Variants in CSMD1 observed in about 807,000 individuals in gnomAD.
CSMD1 encodes the protein CUB and sushi domain-containing protein 1.
Under a neutral mutation model 417.5 loss-of-function variants are expected in CSMD1, and 213 were observed. That is an observed-to-expected ratio of 0.51 (90% CI 0.46 to 0.57). The LOEUF is 0.57. CSMD1 is among the 20% of genes least tolerant of loss of function. The pLI is 0.00. For synonymous variants in CSMD1, 2,862 were observed against 1,736.8 expected (o/e 1.65, Z -16.11); for missense variants, 6,923 against 4,529.7 (o/e 1.53, Z -15.17).
At chr8:4,809,487 C>A (rs1054530010) in intron 1 of CSMD1, among the ~76,000 whole-genome samples, 5 of 152,036 alleles carry the variant, frequency 3.3e-5, no homozygotes, top group Admixed American at 2.0e-4. Context: ...CAGGGGATTG[C>A]CAATAGACAT....
intron 8 of CSMD1, among the ~76,000 whole-genome samples, chr8:3,596,917 G>A (rs1001277036): frequency 2.6e-5 from 4 of 152,142 alleles, no homozygotes; most frequent in Non-Finnish European, 4.4e-5. Context: ...CAGCAAACAT[G>A]CCTCAGTTTC....
chr8:4,250,461 T>G (rs917944226), intron 3 of CSMD1, among the ~76,000 whole-genome samples: 1 of 152,152 alleles, frequency 6.6e-6, no homozygotes, highest in Admixed American at 6.5e-5. Context: ...GAGTGATATT[T>G]GGGTCCACGT....
rs1796671349 is a variant in CSMD1 at position 3,739,137 on chromosome 8, T to G, written c.931+14793A>C. On this transcript the variant is annotated intron_variant, in intron 6 of 69. Coordinates refer to ENST00000635120, the MANE Select transcript of CSMD1 (RefSeq NM_033225.6). Reference sequence around the variant, plus strand: ...ACATTTTATTTAGATCAGAGTTAATTGTAAGTTTAAACAATGTTTGCAGTT... The same window carrying G: ...ACATTTTATTTAGATCAGAGTTAATGGTAAGTTTAAACAATGTTTGCAGTT... Among the ~76,000 whole-genome samples the G allele has an allele frequency of 2.3e-5, 3 of 130,110 alleles. No individual in the cohort carries two copies. In the East Asian group the frequency reaches 7.5e-4, roughly 33 times the overall value. 85.4% of individuals were successfully genotyped at this position (130,110 alleles called of 152,430 possible).
At chr8:3,019,521 T>C (rs1287450799) in intron 51 of CSMD1, among the ~76,000 whole-genome samples, 1 of 152,222 alleles carries the variant, frequency 6.6e-6, no homozygotes, top group South Asian at 2.1e-4. Flanking sequence ...TTTGTTTTTT[T>C]AGTTACTTGC....
intron 2 of CSMD1, among the ~76,000 whole-genome samples, chr8:4,485,976 G>C (rs962937847): frequency 4.6e-5 from 7 of 151,684 alleles, no homozygotes; most frequent in African/African-American, 1.7e-4. Context: ...ATACACACTG[G>C]AAGATCTGCT....
chr8:3,513,476 G>T (rs1238709626), intron 10 of CSMD1, among the ~76,000 whole-genome samples: 1 of 151,850 alleles, frequency 6.6e-6, no homozygotes, highest in Non-Finnish European at 1.5e-5. Flanking sequence ...CAGGCCTGTT[G>T]TGGGATCTCA....
At chr8:4,433,713 C>T (rs962399975) in intron 2 of CSMD1, among the ~76,000 whole-genome samples, 1 of 152,134 alleles carries the variant, frequency 6.6e-6, no homozygotes, top group Non-Finnish European at 1.5e-5. Flanking sequence ...TATAAAATTC[C>T]CATCTTTTGA....
At chr8:4,764,902 A>T (rs1442763923) in intron 1 of CSMD1, among the ~76,000 whole-genome samples, 1 of 8,422 alleles carries the variant, frequency 1.2e-4, no homozygotes, top group Non-Finnish European at 3.4e-4. Context: ...AAACAACAAC[A>T]ACAAAAAAAA....
At chr8:4,587,644 T>C (rs928231828) in intron 2 of CSMD1, among the ~76,000 whole-genome samples, 3 of 152,156 alleles carry the variant, frequency 2.0e-5, no homozygotes, top group Non-Finnish European at 4.4e-5. Context: ...CACGATCTCA[T>C]TTACTGAAGA....
intron 3 of CSMD1, among the ~76,000 whole-genome samples, chr8:4,310,519 A>G (rs1025741606): frequency 2.1e-5 from 2 of 93,162 alleles, no homozygotes; most frequent in Non-Finnish European, 5.1e-5. Context: ...TTCCACATTA[A>G]ATAAAATATC....
chr8:4,637,642 CAATTT>C, intron 1 of CSMD1, 84 bp from the exon 2 acceptor site: 1 of 421,490 alleles, frequency 2.4e-6, no homozygotes, highest in Non-Finnish European at 4.0e-6. Context: ...ACACTTTAGC[CAATTT>C]TTTTTTTTTT....
chr8:4,123,158 G>T (rs1035862054), intron 3 of CSMD1, among the ~76,000 whole-genome samples: 3 of 152,252 alleles, frequency 2.0e-5, no homozygotes, highest in African/African-American at 7.2e-5. Flanking sequence ...GGCAGTCCAT[G>T]CTGAGATGTT....
chr8:4,252,717 G>C (rs73498596), intron 3 of CSMD1, among the ~76,000 whole-genome samples: 17,198 of 152,188 alleles, frequency 0.11, 1,454 homozygotes, highest in East Asian at 0.33. Context: ...TGGTTGTATT[G>C]GTTGTACAGG....
At chr8:3,621,818 A>AT (rs1460105492) in intron 7 of CSMD1, among the ~76,000 whole-genome samples, 5 of 151,890 alleles carry the variant, frequency 3.3e-5, no homozygotes, top group African/African-American at 1.2e-4. Context: ...CATATTGCCC[A>AT]GGCTGGTCTC....
rs931780423 is a variant in CSMD1 at position 4,267,583 on chromosome 8, A to C, written c.415+152370T>G. Among the ~76,000 whole-genome samples the C allele has an allele frequency of 2.0e-5, 3 of 152,134 alleles. No individual in the cohort carries two copies. In the East Asian group the frequency reaches 5.8e-4, roughly 29 times the overall value. ...AATGGTCACTGACACAATAAGTGAC[A>C]CATTCTTGGTTGGTAGAAAAAAATG... is the stretch of plus-strand genomic sequence containing the variant. On this transcript the variant is annotated intron_variant, in intron 3 of 69. Coordinates refer to ENST00000635120, the MANE Select transcript of CSMD1 (RefSeq NM_033225.6).
intron 1 of CSMD1, among the ~76,000 whole-genome samples, chr8:4,790,133 C>T (rs139575406): frequency 6.6e-6 from 1 of 152,170 alleles, no homozygotes; most frequent in Admixed American, 6.5e-5. Context: ...TATTCAGTTC[C>T]TTTGGACAAA....
intron 7 of CSMD1, among the ~76,000 whole-genome samples, chr8:3,687,253 G>C (rs1404770618): frequency 6.6e-6 from 1 of 152,178 alleles, no homozygotes; most frequent in African/African-American, 2.4e-5. Flanking sequence ...TTTAAGTCCA[G>C]CTTAGCATTT....
intron 3 of CSMD1, among the ~76,000 whole-genome samples, chr8:4,324,201 G>A (rs1799424294): frequency 6.6e-6 from 1 of 152,240 alleles, no homozygotes; most frequent in Admixed American, 6.5e-5. Context: ...AGTAAACTGT[G>A]TCATCGGAAT....
chr8:4,945,344 G>A (rs931732563), intron 1 of CSMD1, among the ~76,000 whole-genome samples: 4 of 152,144 alleles, frequency 2.6e-5, no homozygotes, highest in Admixed American at 2.6e-4. Context: ...GCACAGCCAT[G>A]TGAAGATACA....
Sources: gnomAD v4.1 joint callset for allele counts (sites outside exome capture counted in the v4.1 genomes callset) on GRCh38, gnomAD v4.1.1 for gene constraint, MANE v1.5 for transcripts, NCBI Gene and HGNC (gene_info 2026-07-23, HGNC 2026-07-21) for gene names.